The following PCDH9 variants were observed in gnomAD, a reference collection of about 807,000 sequenced individuals.
The protein encoded by PCDH9 is protocadherin-9.
PCDH9 carries 24 observed loss-of-function variants against 70.6 expected under a neutral mutation model. The observed-to-expected ratio is 0.34, with a 90% CI of 0.25 to 0.48. The LOEUF (loss-of-function observed/expected upper bound fraction) is 0.48, where lower values mean the gene tolerates loss of function less well. Among genes scored for constraint, PCDH9 ranks in the 20% least tolerant of loss-of-function variants. The pLI is 0.99. For missense variants in PCDH9, 1,281 were observed against 1,503.6 expected (o/e 0.85, Z 2.45); for synonymous variants, 562 against 558.5 (o/e 1.01, Z -0.09).
intron 3 of PCDH9, among the ~76,000 whole-genome samples, chr13:66,820,220 A>C (rs1376408764): frequency 6.6e-6 from 1 of 152,120 alleles, no homozygotes; most frequent in African/African-American, 2.4e-5. Flanking sequence ...CACAAACATA[A>C]GCCATATTAT....
chr13:66,954,522 A>T (rs2083236754), intron 2 of PCDH9, among the ~76,000 whole-genome samples: 1 of 152,164 alleles, frequency 6.6e-6, no homozygotes, highest in African/African-American at 2.4e-5. Context: ...TTGCAAGGAA[A>T]ACACTACCTT....
intron 4 of PCDH9, among the ~76,000 whole-genome samples, chr13:66,510,881 T>A (rs1959439375): frequency 3.3e-5 from 5 of 152,196 alleles, no homozygotes; most frequent in Admixed American, 3.3e-4. Flanking sequence ...TTTGAATATA[T>A]ATGCAACATT....
intron 3 of PCDH9, among the ~76,000 whole-genome samples, chr13:66,656,641 G>C (rs879742729): frequency 2.0e-5 from 3 of 151,840 alleles, no homozygotes; most frequent in Admixed American, 1.3e-4. Context: ...ATGGTGGGGT[G>C]GGGGGGCGGT....
chr13:66,996,487 C>T (rs2139810180), intron 2 of PCDH9, among the ~76,000 whole-genome samples: 1 of 152,226 alleles, frequency 6.6e-6, no homozygotes, highest in African/African-American at 2.4e-5. Context: ...GATTCTACTA[C>T]ATTCTTTCAA....
At chr13:67,053,253 A>G (rs1459376522) in intron 2 of PCDH9, among the ~76,000 whole-genome samples, 1 of 152,226 alleles carries the variant, frequency 6.6e-6, no homozygotes, top group Non-Finnish European at 1.5e-5. Flanking sequence ...ATAAATGCCA[A>G]ATAAGTGCCA....
intron 2 of PCDH9, among the ~76,000 whole-genome samples, chr13:67,146,423 G>A (rs1199495651): frequency 1.3e-5 from 2 of 152,050 alleles, no homozygotes; most frequent in African/African-American, 4.8e-5. Flanking sequence ...GAAATGTATT[G>A]GTATAATTTT....
Position 67,106,603 on chromosome 13 carries a change from G to T in PCDH9, c.3036+118802C>A, listed in dbSNP as rs567987723. Among the ~76,000 whole-genome samples, 10 of 152,344 alleles carry T rather than the reference G, an allele frequency of 6.6e-5. No homozygotes were observed. In the South Asian group the frequency reaches 2.1e-3, roughly 32 times the overall value. On this transcript the variant is annotated intron_variant, in intron 2 of 4. Coordinates refer to ENST00000377865, the MANE Select transcript of PCDH9 (RefSeq NM_203487.3). The stretch of plus-strand genomic sequence containing the variant: ...AAACATGCTGGCTGCAGCGGAGGAG[G>T]TGAGGCCAGGGCTTTGCACTCCGTG...
At chr13:66,421,254 C>T (rs1293490676) in intron 4 of PCDH9, among the ~76,000 whole-genome samples, 1 of 152,112 alleles carries the variant, frequency 6.6e-6, no homozygotes, top group Non-Finnish European at 1.5e-5. Context: ...GGAAAACACA[C>T]TTCAAGATAT....
chr13:66,504,640 A>G (rs1008739604), intron 4 of PCDH9, among the ~76,000 whole-genome samples: 3 of 152,206 alleles, frequency 2.0e-5, no homozygotes, highest in African/African-American at 7.2e-5. Context: ...CATGGAGACT[A>G]TCAACTTTGC....
chr13:66,381,471 T>G (rs2138243273), intron 4 of PCDH9, among the ~76,000 whole-genome samples: 1 of 152,294 alleles, frequency 6.6e-6, no homozygotes, highest in South Asian at 2.1e-4. Context: ...CTTGTTACAC[T>G]GTGTAAGGCT....
chr13:67,152,307 T>C (rs1438347448), intron 2 of PCDH9, among the ~76,000 whole-genome samples: 1 of 152,316 alleles, frequency 6.6e-6, no homozygotes, highest in Admixed American at 6.5e-5. Context: ...TGAAATCCAC[T>C]GGTTCCAGAA....
At chr13:66,936,735 A>G (rs902826152) in intron 2 of PCDH9, among the ~76,000 whole-genome samples, 1 of 152,322 alleles carries the variant, frequency 6.6e-6, no homozygotes, top group African/African-American at 2.4e-5. Flanking sequence ...CCAAAGACAC[A>G]TAAGTTTGAA....
At chr13:66,891,341 C>T (rs540325438) in intron 3 of PCDH9, among the ~76,000 whole-genome samples, 1 of 152,140 alleles carries the variant, frequency 6.6e-6, no homozygotes, top group South Asian at 2.1e-4. Context: ...TTGCTTTTTC[C>T]TTTCCATGGC....
At chr13:66,783,213 C>T (rs561324888) in intron 3 of PCDH9, among the ~76,000 whole-genome samples, 14 of 152,174 alleles carry the variant, frequency 9.2e-5, no homozygotes, top group East Asian at 7.7e-4. Context: ...AGACTCTGCA[C>T]GTGAATTTCT....
At position 66,787,803 on chromosome 13, in the gene PCDH9, T is replaced by A. The variant is rs553583363; in HGVS notation, c.3138+115701A>T. On this transcript the variant is annotated intron_variant, in intron 3 of 4. Coordinates refer to ENST00000377865, the MANE Select transcript of PCDH9 (RefSeq NM_203487.3). ...TTGGCGACCCAGTGCCATAACTACC[T>A]ATTTTTATGTGGAATATAGGCCTTC... is the stretch of plus-strand genomic sequence containing the variant. Among the ~76,000 whole-genome samples, 3 of 152,294 alleles carry A rather than the reference T, an allele frequency of 2.0e-5. No homozygotes were observed. In the East Asian group the frequency reaches 5.8e-4, roughly 29 times the overall value.
intron 4 of PCDH9, among the ~76,000 whole-genome samples, chr13:66,548,629 C>T (rs1179255164): frequency 1.3e-5 from 2 of 151,918 alleles, no homozygotes; most frequent in Admixed American, 6.6e-5. Context: ...AGTTATGAAA[C>T]TCTTGCCTTT....
At chr13:67,106,567 G>A (rs920030344) in intron 2 of PCDH9, among the ~76,000 whole-genome samples, 15 of 152,216 alleles carry the variant, frequency 9.9e-5, no homozygotes, top group Admixed American at 6.5e-4. Context: ...CCCATCTGGA[G>A]CAGCCACTGC....
intron 4 of PCDH9, among the ~76,000 whole-genome samples, chr13:66,406,751 C>T (rs770284073): frequency 1.3e-5 from 2 of 151,936 alleles, no homozygotes; most frequent in African/African-American, 2.4e-5. Context: ...CTAGATGGTG[C>T]GAAAACAAAC....
chr13:66,509,735 G>A (rs1257564023), intron 4 of PCDH9, among the ~76,000 whole-genome samples: 4 of 152,012 alleles, frequency 2.6e-5, no homozygotes, highest in Non-Finnish European at 4.4e-5. Context: ...CTGCAATCAT[G>A]AGCCACCACA....
Sources: gnomAD v4.1 joint callset for allele counts (sites outside exome capture counted in the v4.1 genomes callset) on GRCh38, gnomAD v4.1.1 for gene constraint, MANE v1.5 for transcripts, NCBI Gene and HGNC (gene_info 2026-07-23, HGNC 2026-07-21) for gene names.